BATF3: variants seen among roughly 807,000 people sequenced by gnomAD.
The protein encoded by BATF3 is basic leucine zipper ATF-like transcription factor 3.
A neutral mutation model predicts 16.1 loss-of-function variants in BATF3; 8 were observed. The ratio of observed to expected loss-of-function variants is 0.50; its 90% CI spans 0.29 to 0.90. BATF3 has a LOEUF of 0.90. BATF3 is among the 40% of genes least tolerant of loss of function. The pLI is 0.08. For synonymous variants in BATF3, 74 were observed against 72.7 expected (o/e 1.02, Z -0.09); for missense variants, 139 against 167.0 (o/e 0.83, Z 0.92).
chr1:212,689,511 T>C lies in BATF3; in HGVS notation c.196-2532A>G, dbSNP rs900295273. Among the ~76,000 whole-genome samples the C allele has an allele frequency of 6.6e-6, 1 of 152,144 alleles. No individual in the cohort carries two copies. The highest frequency in any genetic ancestry group is 2.4e-5 in the African/African-American group (1 of 41,436). ...CTCCCTGCCTCCCACTCCCAAGCCT[T>C]CATGCCCTCCTTTGACCTCTGACAA... On this transcript the variant is annotated intron_variant, in intron 2 of 2. Transcript: ENST00000243440. The surrounding 1 kb of genome is among the most constrained non-coding windows in gnomAD (Gnocchi z 4.6).
chr1:212,695,672 G>T (rs2102403303), intron 2 of BATF3, among the ~76,000 whole-genome samples: 1 of 152,060 alleles, frequency 6.6e-6, no homozygotes. Context: ...GCAGGAGAGA[G>T]CTAAACTAAA....
rs910887671 is a variant in BATF3, at chr1:212,686,667, C to A, written c.*124G>T. On this transcript the variant is annotated 3_prime_UTR_variant, in exon 3 of 3. Coordinates refer to ENST00000243440, the MANE Select transcript of BATF3 (RefSeq NM_018664.3). ...TCTGCAGGGAACACAGCTGGCTGGTCCTGGAGCTCCCAGGAGGAGGCCTGG... is the reference window on the plus strand; with the variant it reads ...TCTGCAGGGAACACAGCTGGCTGGTACTGGAGCTCCCAGGAGGAGGCCTGG... 4 of 1,424,730 alleles carry A rather than the reference C, an allele frequency of 2.8e-6. No homozygotes were observed. Among genetic ancestry groups the A allele is most frequent in the Non-Finnish European group, 3.7e-6 (4 of 1,084,248 alleles). The allele number at this position is 1,424,730 out of a possible 1,614,324, so 88.3% of individuals were successfully genotyped here. A position where few individuals can be genotyped will look rare whatever the true frequency, so the allele number is the denominator to read the frequency against.
chr1:212,699,703 C>A lies in BATF3; in HGVS notation c.60G>T (p.Gly20=). 1.5e-6 allele frequency: 2 copies of A among 1,348,502 alleles called. No homozygotes were observed. The highest frequency in any genetic ancestry group is 9.6e-7 in the Non-Finnish European group (1 of 1,045,512). 83.5% of individuals were successfully genotyped at this position (1,348,502 alleles called of 1,614,324 possible). The change falls in exon 1 of 3, where the codon GGG becomes GGT. Residue 20 remains glycine, a synonymous_variant. Transcript: ENST00000243440. This position sits in a 1 kb window ranked among gnomAD's most constrained non-coding sequence, Gnocchi z 4.4. The stretch of plus-strand genomic sequence containing the variant: ...GCTGCGGCTGCGGCTGCGGCTGGTT[C>A]CCGGGCGCCGCGACGCTCCTCTGCA... The part of the protein sequence containing the change: ...SVLQRSVAAP[G]NQPQPQPQQQ...
At position 212,699,611 on chromosome 1, in the gene BATF3, C is replaced by A; in HGVS notation, c.90+62G>T. On this transcript the variant is annotated intron_variant, in intron 1 of 2. Transcript: ENST00000243440. This position sits in a 1 kb window ranked among gnomAD's most constrained non-coding sequence, Gnocchi z 4.4. ...CACGGAACTCCAGCACCCACCTCCT[C>A]GCCCCCCGCGGCGCGCCGGTCCCCG... 1 of 1,230,472 alleles carries A rather than the reference C, an allele frequency of 8.1e-7. No individual in the cohort carries two copies. Among genetic ancestry groups the A allele is most frequent in the South Asian group, 3.0e-5 (1 of 32,878 alleles). 76.2% of individuals were successfully genotyped at this position (1,230,472 alleles called of 1,614,324 possible).
intron 2 of BATF3, among the ~76,000 whole-genome samples, chr1:212,694,520 A>G (rs1657081053): frequency 6.6e-6 from 1 of 152,224 alleles, no homozygotes; most frequent in African/African-American, 2.4e-5. Flanking sequence ...CCAGATACGT[A>G]TTCAGTCCAG....
chr1:212,691,303 AAAACTG>A (rs1290182596), intron 2 of BATF3, among the ~76,000 whole-genome samples: 1 of 152,228 alleles, frequency 6.6e-6, no homozygotes, highest in African/African-American at 2.4e-5. Flanking sequence ...CACAAGTTAG[AAAACTG>A]AAGCTCTGAG....
At chr1:212,690,853 C>T (rs936579695) in intron 2 of BATF3, among the ~76,000 whole-genome samples, 1 of 152,204 alleles carries the variant, frequency 6.6e-6, no homozygotes, top group South Asian at 2.1e-4. Context: ...CCAGCTCTGC[C>T]TCAGAAATTA....
intron 2 of BATF3, among the ~76,000 whole-genome samples, chr1:212,696,185 C>T (rs1406107371): frequency 6.6e-6 from 1 of 151,018 alleles, no homozygotes; most frequent in Non-Finnish European, 1.5e-5. Context: ...TCACCACCAA[C>T]ATTTAAGCCA....
intron 2 of BATF3, among the ~76,000 whole-genome samples, chr1:212,688,200 A>G (rs1223887502): frequency 6.6e-6 from 1 of 152,122 alleles, no homozygotes; most frequent in Admixed American, 6.5e-5. Flanking sequence ...GCAGTTCTTG[A>G]AATGTTAGGA....
intron 2 of BATF3, among the ~76,000 whole-genome samples, chr1:212,695,490 C>CCA (rs1657104615): frequency 2.4e-5 from 1 of 42,226 alleles, no homozygotes; most frequent in Non-Finnish European, 3.9e-5. Flanking sequence ...GACTCTGTCT[C>CCA]AAAAAAAAAA....
Position 212,689,023 on chromosome 1 carries a change from A to G in BATF3, c.196-2044T>C, listed in dbSNP as rs559434881. 2.6e-5 allele frequency among the ~76,000 whole-genome samples: 4 copies of G among 152,332 alleles called. No homozygotes were observed. Among genetic ancestry groups the G allele is most frequent in the African/African-American group, 9.6e-5 (4 of 41,566 alleles). On this transcript the variant is annotated intron_variant, in intron 2 of 2. Transcript: ENST00000243440. The surrounding 1 kb of genome is among the most constrained non-coding windows in gnomAD (Gnocchi z 4.6). The stretch of plus-strand genomic sequence containing the variant: ...CCTTCCTCCTTTTCTGCATGGGTCC[A>G]GCTCAAGCCCACCACCTCCAGGAAG...
At position 212,699,368 on chromosome 1, in the gene BATF3, C is replaced by G. The variant is rs1041860330; in HGVS notation, c.90+305G>C. 5.9e-5 allele frequency among the ~76,000 whole-genome samples: 9 copies of G among 152,092 alleles called. No individual in the cohort carries two copies. The highest frequency in any genetic ancestry group is 1.9e-4 in the African/African-American group (8 of 41,418). The stretch of plus-strand genomic sequence containing the variant: ...TCAGGGCAGTGCGGAGCCCACGTGC[C>G]GGGGAGCACCGGCCATGCCCGGCCC... On this transcript the variant is annotated intron_variant, in intron 1 of 2. Transcript: ENST00000243440. The surrounding 1 kb of genome is among the most constrained non-coding windows in gnomAD (Gnocchi z 4.4).
intron 2 of BATF3, among the ~76,000 whole-genome samples, chr1:212,693,419 C>T (rs1286366629): frequency 2.0e-5 from 3 of 152,140 alleles, no homozygotes; most frequent in South Asian, 2.1e-4. Context: ...CAGGTGGAGC[C>T]GCTGTCCTGG....
At chr1:212,693,394 TCTGGG>T (rs1206161816) in intron 2 of BATF3, among the ~76,000 whole-genome samples, 1 of 152,174 alleles carries the variant, frequency 6.6e-6, no homozygotes, top group African/African-American at 2.4e-5. Flanking sequence ...GGGCTACAGC[TCTGGG>T]GTCTGTATAC....
intron 2 of BATF3, among the ~76,000 whole-genome samples, chr1:212,694,651 G>C (rs1265065465): frequency 3.3e-5 from 5 of 152,224 alleles, no homozygotes; most frequent in Admixed American, 3.3e-4. Context: ...TGAATACAGG[G>C]CCATGCACTA....
At chr1:212,693,391 A>C (rs144979104) in intron 2 of BATF3, among the ~76,000 whole-genome samples, 1 of 152,304 alleles carries the variant, frequency 6.6e-6, no homozygotes, top group African/African-American at 2.4e-5. Flanking sequence ...TGAGGGCTAC[A>C]GCTCTGGGGT....
chr1:212,688,917 A>T (rs1487651578), intron 2 of BATF3, among the ~76,000 whole-genome samples: 1 of 152,178 alleles, frequency 6.6e-6, no homozygotes, highest in Non-Finnish European at 1.5e-5. Flanking sequence ...CACTAAAGAA[A>T]TGTGATCTTA....
chr1:212,692,471 C>G (rs1301763002), intron 2 of BATF3, among the ~76,000 whole-genome samples: 3 of 152,124 alleles, frequency 2.0e-5, no homozygotes, highest in African/African-American at 7.2e-5. Flanking sequence ...AGTGGAAACT[C>G]TTGTTGCCCA....
intron 2 of BATF3, among the ~76,000 whole-genome samples, chr1:212,693,194 C>CCCTCCTGGA (rs1657041241): frequency 6.6e-6 from 1 of 152,204 alleles, no homozygotes; most frequent in Admixed American, 6.5e-5. Context: ...ATACACACAG[C>CCCTCCTGGA]TACAATGCCC....
Sources: allele counts gnomAD v4.1 joint callset (sites outside exome capture counted in the v4.1 genomes callset), GRCh38; gene constraint gnomAD v4.1.1; non-coding constraint Gnocchi (gnomAD v3.1); transcripts MANE v1.5; gene names NCBI Gene and HGNC (gene_info 2026-07-23, HGNC 2026-07-21).